The following FAT3 variants were observed in gnomAD, a reference collection of about 807,000 sequenced individuals.
FAT3 encodes the protein protocadherin Fat 3.
Under a neutral mutation model 310.2 loss-of-function variants are expected in FAT3, and 95 were observed. The ratio of observed to expected loss-of-function variants is 0.31; its 90% CI spans 0.26 to 0.36. FAT3 has a LOEUF of 0.36. Ranked by LOEUF, FAT3 falls within the 10% of genes least tolerant of loss-of-function variation. FAT3 has a pLI of 1.00. For synonymous variants in FAT3, 2,314 were observed against 2,192.9 expected, an observed-to-expected ratio of 1.06 and a Z score of -1.54; for missense variants, 5,408 against 5,715.6, an observed-to-expected ratio of 0.95 and a Z score of 1.74.
chr11:92,523,574 AC>A (rs1953754667), intron 2 of FAT3, among the ~76,000 whole-genome samples: 2 of 152,196 alleles, frequency 1.3e-5, no homozygotes, highest in African/African-American at 4.8e-5. Context: ...CAAAAGTTTA[AC>A]AGGAATACAG....
At chr11:92,489,875 T>TTTTTTC (rs1237418510) in intron 2 of FAT3, among the ~76,000 whole-genome samples, 2 of 150,142 alleles carry the variant, frequency 1.3e-5, no homozygotes, top group African/African-American at 5.0e-5. Flanking sequence ...TTTTCGTAGT[T>TTTTTTC]TTTTTCTTTT....
rs751403437 is a variant in FAT3 at position 92,782,183 on chromosome 11, TGTG to T, written c.4336-7754_4336-7752del. On this transcript the variant is annotated intron_variant, in intron 7 of 27. Coordinates refer to ENST00000525166, the MANE Select transcript of FAT3 (RefSeq NM_001367949.2). ...AATAATAATTTTTTAATTAGCCAGA[TGTG>T]GTGGTCACGTGCATCTATAGTTTCA... 2.8e-4 allele frequency among the ~76,000 whole-genome samples: 43 copies of T among 152,222 alleles called. No homozygotes were observed. The East Asian group carries it at 3.7e-3, about 13-fold the overall frequency.
intron 3 of FAT3, among the ~76,000 whole-genome samples, chr11:92,582,949 T>C (rs990911588): frequency 6.6e-6 from 1 of 151,992 alleles, no homozygotes; most frequent in Non-Finnish European, 1.5e-5. Context: ...ATAAAATACA[T>C]TGTGCACGAT....
chr11:92,860,578 G>GA (rs1949095877), intron 21 of FAT3, among the ~76,000 whole-genome samples: 1 of 152,184 alleles, frequency 6.6e-6, no homozygotes, highest in Non-Finnish European at 1.5e-5. Flanking sequence ...CCGTCCAGTG[G>GA]AAAATGCCTT....
chr11:92,253,017 C>A (rs1356198709), intron 1 of FAT3, among the ~76,000 whole-genome samples: 2 of 152,050 alleles, frequency 1.3e-5, no homozygotes, highest in Admixed American at 6.6e-5. Flanking sequence ...CACACTGAGA[C>A]CACTAGTAAA....
chr11:92,346,434 T>C (rs1408592039), intron 1 of FAT3, among the ~76,000 whole-genome samples: 2 of 152,186 alleles, frequency 1.3e-5, no homozygotes, highest in African/African-American at 4.8e-5. Flanking sequence ...CATGTCACCA[T>C]GCACAGGACC....
chr11:92,676,741 G>T (rs1355549465), intron 3 of FAT3, among the ~76,000 whole-genome samples: 1 of 152,282 alleles, frequency 6.6e-6, no homozygotes, highest in Non-Finnish European at 1.5e-5. Flanking sequence ...CTTATTCATA[G>T]CTATATATTT....
intron 2 of FAT3, among the ~76,000 whole-genome samples, chr11:92,476,852 C>T (rs1952064217): frequency 6.6e-6 from 1 of 152,318 alleles, no homozygotes. Flanking sequence ...TGGAAAATTA[C>T]AAGAAGTTGC....
At chr11:92,285,428 G>A (rs781005267) in intron 1 of FAT3, among the ~76,000 whole-genome samples, 4 of 152,158 alleles carry the variant, frequency 2.6e-5, no homozygotes, top group Non-Finnish European at 4.4e-5. Context: ...TGCTGTGCAA[G>A]CTTTTATGTG....
intron 4 of FAT3, among the ~76,000 whole-genome samples, chr11:92,740,958 A>G (rs1945489988): frequency 6.6e-6 from 1 of 152,154 alleles, no homozygotes; most frequent in Non-Finnish European, 1.5e-5. Context: ...CCTCTTCCAT[A>G]CATTTCCTTT....
intron 3 of FAT3, among the ~76,000 whole-genome samples, chr11:92,529,059 T>C (rs1953975200): frequency 1.3e-5 from 2 of 152,214 alleles, no homozygotes; most frequent in South Asian, 2.1e-4. Flanking sequence ...GTACCGTTGA[T>C]CTAGACCCCA....
At position 92,895,405 on chromosome 11, in the gene FAT3, G is replaced by GAGAT. The variant is rs1477604629; in HGVS notation, c.*4295_*4298dup. The GAGAT allele has an allele frequency of 6.6e-6, 1 of 152,190 alleles. No individual in the cohort carries two copies. The highest frequency in any genetic ancestry group is 2.4e-5 in the African/African-American group (1 of 41,460). The allele number at this position is 152,190 out of a possible 1,614,324, so 9.4% of individuals were successfully genotyped here. ...AATTAATATTTAGCCAGCTGGCTAA[G>GAGAT]AGATAGGAAAAGAATATGATATTTC... On this transcript the variant is annotated 3_prime_UTR_variant, in exon 28 of 28. Coordinates refer to ENST00000525166, the MANE Select transcript of FAT3 (RefSeq NM_001367949.2).
In FAT3 at chr11:92,895,159, T is replaced by C. The variant is rs1950004141; in HGVS notation, c.*4046T>C. On this transcript the variant is annotated 3_prime_UTR_variant, in exon 28 of 28. Coordinates refer to ENST00000525166, the MANE Select transcript of FAT3 (RefSeq NM_001367949.2). ...TTGCTAAAGTGGTTAGGCTTTAATG[T>C]TTTATGTTTTTAGTTTCAAACTATG... 6.6e-6 allele frequency: 1 copy of C among 152,236 alleles called. No homozygotes were observed. Among genetic ancestry groups the C allele is most frequent in the Non-Finnish European group, 1.5e-5 (1 of 68,042 alleles). 9.4% of individuals were successfully genotyped at this position (152,236 alleles called of 1,614,324 possible).
At chr11:92,785,939 C>CTA (rs1946880868) in intron 7 of FAT3, among the ~76,000 whole-genome samples, 1 of 152,068 alleles carries the variant, frequency 6.6e-6, no homozygotes, top group South Asian at 2.1e-4. Flanking sequence ...TATAAAGCCT[C>CTA]TATAATTAAA....
intron 8 of FAT3, among the ~76,000 whole-genome samples, chr11:92,791,682 G>A (rs746743797): frequency 1.3e-5 from 2 of 152,184 alleles, no homozygotes; most frequent in South Asian, 4.1e-4. Context: ...CTCTTTGATG[G>A]CTCTTCTTGG....
chr11:92,373,344 G>T (rs1949248576), intron 2 of FAT3, among the ~76,000 whole-genome samples: 1 of 152,122 alleles, frequency 6.6e-6, no homozygotes, highest in African/African-American at 2.4e-5. Flanking sequence ...GAAATTTAGA[G>T]AAATGAAATA....
At chr11:92,555,196 T>C (rs1482333651) in intron 3 of FAT3, among the ~76,000 whole-genome samples, 1 of 152,166 alleles carries the variant, frequency 6.6e-6, no homozygotes, top group African/African-American at 2.4e-5. Flanking sequence ...TCCTGGAATA[T>C]GAGATAACTT....
intron 4 of FAT3, among the ~76,000 whole-genome samples, chr11:92,732,885 G>A (rs1483625457): frequency 1.3e-5 from 2 of 152,190 alleles, no homozygotes; most frequent in African/African-American, 4.8e-5. Context: ...AGACATCACA[G>A]AGCAGGTGTG....
intron 19 of FAT3, among the ~76,000 whole-genome samples, chr11:92,845,949 T>G (rs1227266932): frequency 6.6e-6 from 1 of 152,218 alleles, no homozygotes; most frequent in Non-Finnish European, 1.5e-5. Context: ...CAGTGAATTC[T>G]GTTTGTGATT....
Sources: gnomAD v4.1 joint callset for allele counts (sites outside exome capture counted in the v4.1 genomes callset) on GRCh38, gnomAD v4.1.1 for gene constraint, MANE v1.5 for transcripts, NCBI Gene and HGNC (gene_info 2026-07-23, HGNC 2026-07-21) for gene names.